The following KIAA0232 variants were observed in gnomAD, a reference collection of about 807,000 sequenced individuals.
The protein encoded by KIAA0232 is uncharacterized protein KIAA0232.
A neutral mutation model predicts 122.0 loss-of-function variants in KIAA0232; 27 were observed. That is an observed-to-expected ratio of 0.22 (90% CI 0.16 to 0.31). The LOEUF (loss-of-function observed/expected upper bound fraction) is 0.31, where lower values mean the gene tolerates loss of function less well. Ranked by LOEUF, KIAA0232 falls within the 10% of genes least tolerant of loss-of-function variation. KIAA0232 has a pLI of 1.00. For synonymous variants in KIAA0232, 613 were observed against 587.6 expected (o/e 1.04, Z -0.63); for missense variants, 1,551 against 1,634.2 (o/e 0.95, Z 0.88).
chr4:6,838,895 G>A (rs1214644996), intron 3 of KIAA0232, among the ~76,000 whole-genome samples: 6 of 152,264 alleles, frequency 3.9e-5, no homozygotes, highest in African/African-American at 1.2e-4. Context: ...CTGGGAGGCC[G>A]AGGCGGGCAG....
chr4:6,859,113 A>AC (rs1720717459), intron 6 of KIAA0232, among the ~76,000 whole-genome samples: 1 of 151,484 alleles, frequency 6.6e-6, no homozygotes, highest in African/African-American at 2.4e-5. Flanking sequence ...AAAAAAAAAA[A>AC]AAAAAAAAAA....
At chr4:6,811,062 A>G (rs1182640417) in intron 2 of KIAA0232, among the ~76,000 whole-genome samples, 1 of 152,238 alleles carries the variant, frequency 6.6e-6, no homozygotes, top group Non-Finnish European at 1.5e-5. Context: ...AGAACTGAAA[A>G]TAGAATGAGC....
At chr4:6,784,937 A>AT (rs10563839) in intron 1 of KIAA0232, among the ~76,000 whole-genome samples, 6,553 of 135,522 alleles carry the variant, frequency 0.048, 225 homozygotes, top group East Asian at 0.078. Flanking sequence ...GATCAGATGA[A>AT]TTTTTTTTTT....
chr4:6,877,208 C>T (rs1177105612), intron 9 of KIAA0232, among the ~76,000 whole-genome samples: 1 of 152,198 alleles, frequency 6.6e-6, no homozygotes, highest in South Asian at 2.1e-4. Context: ...AGAACGATCC[C>T]GCCCTTTCCG....
In KIAA0232 at chr4:6,862,037, G is replaced by C. The variant is rs1342839622; in HGVS notation, c.1655G>C (p.Cys552Ser). Residue 552 changes from cysteine (C) to serine (S), a missense_variant, in exon 7 of 10, where the codon TGC becomes TCC. Cys to Ser is a moderately radical substitution (Grantham distance 112). This residue lies in a region of KIAA0232 where 1,108 missense variants were observed against 1,154.8 expected (regional missense o/e 0.96). Coordinates refer to ENST00000307659, the MANE Select transcript of KIAA0232 (RefSeq NM_014743.3). ...KENTDFEAEC[C>S]IVLDGMELQG... is the part of the protein sequence containing the mutation. ...AACACAGATTTTGAGGCAGAATGTT[G>C]CATAGTGTTAGATGGTATGGAGTTG... The C allele has an allele frequency of 1.2e-6, 2 of 1,614,196 alleles. No individual in the cohort carries two copies. Among genetic ancestry groups the C allele is most frequent in the South Asian group, 2.2e-5 (2 of 91,088 alleles).
chr4:6,847,388 C>T (rs371663382), intron 4 of KIAA0232, among the ~76,000 whole-genome samples: 3 of 152,328 alleles, frequency 2.0e-5, no homozygotes, highest in African/African-American at 7.2e-5. Context: ...CATTATGGCA[C>T]TTCTCTTGGC....
At chr4:6,859,853 C>CTCATTTT (rs1560198544) in intron 6 of KIAA0232, among the ~76,000 whole-genome samples, 6 of 152,194 alleles carry the variant, frequency 3.9e-5, no homozygotes, top group Non-Finnish European at 8.8e-5. Flanking sequence ...CCCCCAGTTT[C>CTCATTTT]CTAGCAAATC....
chr4:6,863,279 T>A lies in KIAA0232; in HGVS notation c.2897T>A (p.Val966Asp). 6.2e-7 allele frequency: 1 copy of A among 1,614,172 alleles called. No individual in the cohort carries two copies. Among genetic ancestry groups the A allele is most frequent in the Non-Finnish European group, 8.5e-7 (1 of 1,180,018 alleles). Residue 966 changes from valine (V) to aspartate (D), a missense_variant, in exon 7 of 10, where the codon GTT becomes GAT. Physicochemically the swap from Val to Asp is radical, Grantham distance 152. This residue lies in a region of KIAA0232 where 1,108 missense variants were observed against 1,154.8 expected (regional missense o/e 0.96). Coordinates refer to ENST00000307659, the MANE Select transcript of KIAA0232 (RefSeq NM_014743.3). ...GSLLQCAASD[V>D]VTIAGTDVFM... ...CTGTTACAGTGTGCAGCTTCTGATGTTGTGACGATAGCTGGTACAGATGTC... is the reference window on the plus strand; with the variant it reads ...CTGTTACAGTGTGCAGCTTCTGATGATGTGACGATAGCTGGTACAGATGTC...
Position 6,861,252 on chromosome 4 carries a change from T to C in KIAA0232, c.870T>C (p.Ser290=), listed in dbSNP as rs1720840867. 1 of 1,614,016 alleles carries C rather than the reference T, an allele frequency of 6.2e-7. No individual in the cohort carries two copies. The highest frequency in any genetic ancestry group is 1.7e-5 in the Admixed American group (1 of 59,978). Residue 290 remains serine (S), a synonymous_variant, in exon 7 of 10, where the codon TCT becomes TCC. Transcript: ENST00000307659. ...EGKIRPRSWS[S]GSSEAGSSSS... The stretch of plus-strand genomic sequence containing the variant: ...AGATTCGCCCTCGCTCGTGGTCTTC[T>C]GGCTCCAGTGAAGCAGGCTCAAGTT...
At position 6,782,820 on chromosome 4, in the gene KIAA0232, C is replaced by T. The variant is rs1387042564; in HGVS notation, c.-375C>T. The T allele has an allele frequency of 4.7e-5, 7 of 148,536 alleles. No individual in the cohort carries two copies. Among genetic ancestry groups the T allele is most frequent in the African/African-American group, 1.7e-4 (7 of 41,024 alleles). The allele number at this position is 148,536 out of a possible 1,614,324, so 9.2% of individuals were successfully genotyped here. A position where few individuals can be genotyped will look rare whatever the true frequency, so the allele number is the denominator to read the frequency against. ...GGAGAGGCGCCCCCGCCGGCCGCCG[C>T]GCCGCCCGGCAGCCTCGGCAGGTAC... On this transcript the variant is annotated 5_prime_UTR_variant, in exon 1 of 10. Transcript: ENST00000307659.
At chr4:6,873,330 G>A (rs755806290) in intron 8 of KIAA0232, among the ~76,000 whole-genome samples, 4 of 152,230 alleles carry the variant, frequency 2.6e-5, no homozygotes, top group Non-Finnish European at 5.9e-5. Context: ...TGGTACCAAG[G>A]TAGATGCCAG....
intron 3 of KIAA0232, among the ~76,000 whole-genome samples, chr4:6,825,535 A>G (rs1057255266): frequency 1.3e-5 from 2 of 152,150 alleles, no homozygotes; most frequent in African/African-American, 4.8e-5. Context: ...AGCCTTGGCA[A>G]CAGAGCAAGA....
Position 6,874,716 on chromosome 4 carries a change from G to C in KIAA0232, c.3911-1944G>C, listed in dbSNP as rs140452029. 4.0e-3 allele frequency among the ~76,000 whole-genome samples: 612 copies of C among 152,236 alleles called. 3 individuals carry two copies. The highest frequency in any genetic ancestry group is 0.014 in the African/African-American group (586 of 41,526). ...TTGGGTGCTGACTGAGCCTTTCTGT[G>C]CCTCTGTAGTCTGTATGTATAAAAG... On this transcript the variant is annotated intron_variant, in intron 8 of 9. Coordinates refer to ENST00000307659, the MANE Select transcript of KIAA0232 (RefSeq NM_014743.3).
chr4:6,843,682 A>G (rs1380101589), intron 4 of KIAA0232, among the ~76,000 whole-genome samples: 2 of 152,056 alleles, frequency 1.3e-5, no homozygotes, highest in Non-Finnish European at 2.9e-5. Context: ...AGGCAGGAGA[A>G]TCACTTGAAC....
At chr4:6,821,744 A>T (rs1156823008) in intron 2 of KIAA0232, among the ~76,000 whole-genome samples, 1 of 151,636 alleles carries the variant, frequency 6.6e-6, no homozygotes, top group Non-Finnish European at 1.5e-5. Context: ...CAATTTCTTT[A>T]TCCCCTCATT....
intron 4 of KIAA0232, among the ~76,000 whole-genome samples, chr4:6,853,958 G>T (rs1225941782): frequency 6.6e-6 from 1 of 152,164 alleles, no homozygotes; most frequent in Non-Finnish European, 1.5e-5. Context: ...ACAGCCAGGA[G>T]CAGAGAGTGT....
chr4:6,861,221 A>G lies in KIAA0232; in HGVS notation c.839A>G (p.Glu280Gly), dbSNP rs990572821. ...LYKKQIRHKPEGKIRPRSWSS... is the reference protein window; with the variant it reads ...LYKKQIRHKPGGKIRPRSWSS... ...AAAAAGCAAATCCGACATAAACCTG[A>G]AGGAAAGATTCGCCCTCGCTCGTGG... The change falls in exon 7 of 10, where the codon GAA becomes GGA. Residue 280 changes from glutamate (E) to glycine (G), a missense_variant. By Grantham distance (98) the Glu-to-Gly change is moderately conservative (BLOSUM62 -2). Coordinates refer to ENST00000307659, the MANE Select transcript of KIAA0232 (RefSeq NM_014743.3). The G allele has an allele frequency of 3.1e-6, 5 of 1,614,008 alleles. No homozygotes were observed. Among genetic ancestry groups the G allele is most frequent in the South Asian group, 1.1e-5 (1 of 91,092 alleles).
intron 9 of KIAA0232, among the ~76,000 whole-genome samples, chr4:6,878,416 A>ATACATAC (rs1560214700): frequency 1.3e-4 from 9 of 68,434 alleles, no homozygotes; most frequent in African/African-American, 2.8e-4. Context: ...TACATACATA[A>ATACATAC]ATATATACAT....
chr4:6,783,524 G>C (rs1221976403), intron 1 of KIAA0232, among the ~76,000 whole-genome samples: 1 of 152,162 alleles, frequency 6.6e-6, no homozygotes, highest in Non-Finnish European at 1.5e-5. Context: ...GGGTCAGGCC[G>C]GCAGCCTGGG....
Sources: gnomAD v4.1 joint callset for allele counts (sites outside exome capture counted in the v4.1 genomes callset) on GRCh38, gnomAD v4.1.1 for gene constraint, gnomAD v4.1.1 regional missense constraint, MANE v1.5 for transcripts, NCBI Gene and HGNC (gene_info 2026-07-23, HGNC 2026-07-21) for gene names.